The following RASGEF1B variants were observed in gnomAD, a reference collection of about 807,000 sequenced individuals.
RASGEF1B encodes the protein ras-GEF domain-containing family member 1B.
A neutral mutation model predicts 65.7 loss-of-function variants in RASGEF1B; 30 were observed. The ratio of observed to expected loss-of-function variants is 0.46; its 90% CI spans 0.34 to 0.62. The LOEUF is 0.62. Among genes scored for constraint, RASGEF1B ranks in the 20% least tolerant of loss-of-function variants. RASGEF1B has a pLI of 0.01. For synonymous variants in RASGEF1B, 175 were observed against 194.8 expected, an observed-to-expected ratio of 0.90 and a Z score of 0.85; for missense variants, 495 against 580.1, an observed-to-expected ratio of 0.85 and a Z score of 1.51.
Position 81,445,569 on chromosome 4 carries a change from C to G in RASGEF1B, c.885G>C (p.Glu295Asp), listed in dbSNP as rs768586561. 1 of 1,614,088 alleles carries G rather than the reference C, an allele frequency of 6.2e-7. No homozygotes were observed. Among genetic ancestry groups the G allele is most frequent in the Middle Eastern group, 1.6e-4 (1 of 6,062 alleles). The change falls in exon 8 of 14, where the codon GAG (glutamate) becomes GAC (aspartate). Residue 295 changes from glutamate to aspartate, a missense_variant. Physicochemically the swap from Glu to Asp is conservative, Grantham distance 45. Transcript: ENST00000264400. ...AGTTGAAGTTGCCAATGTTAAAACACTCCCGAGCTACGTCAATGAAATACT... is the reference window on the plus strand; with the variant it reads ...AGTTGAAGTTGCCAATGTTAAAACAGTCCCGAGCTACGTCAATGAAATACT... ...MIEYFIDVAR[E>D]CFNIGNFNSL...
intron 1 of RASGEF1B, among the ~76,000 whole-genome samples, chr4:81,466,576 G>A (rs189442645): frequency 5.3e-5 from 8 of 151,874 alleles, no homozygotes; most frequent in African/African-American, 1.9e-4. Context: ...TGGCTAACAC[G>A]GTAAAACCCT....
intron 4 of RASGEF1B, chr4:81,451,161 A>G (rs1051312904): frequency 1.3e-5 from 2 of 152,236 alleles, no homozygotes; most frequent in African/African-American, 2.4e-5. Flanking sequence ...CCTGTTTACA[A>G]GAGCAACCCA....
rs910319035 is a variant in RASGEF1B at position 81,426,683 on chromosome 4, T to C, written c.*1085A>G. ...AACGATTTCACAATTAGATCAACCATTGAGTTAACAGCAAGGTGTTTTTCA... is the reference window on the plus strand; with the variant it reads ...AACGATTTCACAATTAGATCAACCACTGAGTTAACAGCAAGGTGTTTTTCA... On this transcript the variant is annotated 3_prime_UTR_variant, in exon 14 of 14. Transcript: ENST00000264400. 1.1e-4 allele frequency: 17 copies of C among 152,308 alleles called. No individual in the cohort carries two copies. Among genetic ancestry groups the C allele is most frequent in the East Asian group, 1.9e-4 (1 of 5,182 alleles). The allele number at this position is 152,308 out of a possible 1,614,324, so 9.4% of individuals were successfully genotyped here.
intron 3 of RASGEF1B, 22 bp downstream of exon 3, chr4:81,457,477 A>T: frequency 6.2e-7 from 1 of 1,608,856 alleles, no homozygotes; most frequent in East Asian, 2.2e-5. Context: ...TCCTAATAAA[A>T]CAAATTGTAA....
chr4:81,445,875 A>T lies in RASGEF1B; in HGVS notation c.730-37T>A, dbSNP rs750922752. The T allele has an allele frequency of 6.0e-6, 9 of 1,491,926 alleles. No individual in the cohort carries two copies. In the Admixed American group the frequency reaches 1.5e-4, roughly 25 times the overall value. The allele number at this position is 1,491,926 out of a possible 1,614,324, so 92.4% of individuals were successfully genotyped here. On this transcript the variant is annotated intron_variant, in intron 6 of 13. Transcript: ENST00000264400. ...ACAAAGTAAACAGATGAGTTAGAGG[A>T]AAAAAACAATGTAGTGGACTCTCAT... is the stretch of plus-strand genomic sequence containing the variant.
chr4:81,450,644 A>G (rs1269285970), intron 4 of RASGEF1B, among the ~76,000 whole-genome samples: 2 of 152,050 alleles, frequency 1.3e-5, no homozygotes, highest in Admixed American at 1.3e-4. Context: ...ACCTCAAGTG[A>G]TCTGCCCACC....
At chr4:81,451,279 T>C (rs375934866) in intron 4 of RASGEF1B, 1 of 152,298 alleles carries the variant, frequency 6.6e-6, no homozygotes, top group African/African-American at 2.4e-5. Context: ...TATAAACAAA[T>C]TTAACTTGTT....
Position 81,448,117 on chromosome 4 carries a change from G to A in RASGEF1B, c.606C>T (p.Val202=), listed in dbSNP as rs923272728. The A allele has an allele frequency of 6.2e-7, 1 of 1,614,066 alleles. No homozygotes were observed. Among genetic ancestry groups the A allele is most frequent in the African/African-American group, 1.3e-5 (1 of 74,926 alleles). The change falls in exon 5 of 14, where the codon GTC becomes GTT. Residue 202 remains valine (V), a synonymous_variant. Transcript: ENST00000264400. Reference sequence around the variant, plus strand: ...GGGCCAACGTGTAAGGGTCGTTGCAGACAGTAATGATATCCCTTTGTATAG... The same window carrying A: ...GGGCCAACGTGTAAGGGTCGTTGCAAACAGTAATGATATCCCTTTGTATAG... ...PQSIQRDIIT[V]CNDPYTLAQQ... is the part of the protein sequence containing the mutation.
chr4:81,450,727 G>C (rs957199723), intron 4 of RASGEF1B, among the ~76,000 whole-genome samples: 3 of 151,974 alleles, frequency 2.0e-5, no homozygotes, highest in African/African-American at 7.3e-5. Flanking sequence ...TTAAAAATTA[G>C]CCGGACACCT....
chr4:81,433,191 T>C (rs1721494103), intron 12 of RASGEF1B, among the ~76,000 whole-genome samples: 1 of 151,002 alleles, frequency 6.6e-6, no homozygotes, highest in African/African-American at 2.4e-5. Context: ...ATCGTGCCAC[T>C]GCGCTCCAGC....
intron 11 of RASGEF1B, among the ~76,000 whole-genome samples, chr4:81,434,306 C>T (rs1721534617): frequency 6.6e-6 from 1 of 152,168 alleles, no homozygotes; most frequent in Admixed American, 6.5e-5. Context: ...CCATCTTGGC[C>T]TCCTAACGCA....
chr4:81,447,547 A>C lies in RASGEF1B; in HGVS notation c.686T>G (p.Phe229Cys). The change falls in exon 6 of 14, where the codon TTT becomes TGT. Residue 229 changes from phenylalanine (F) to cysteine (C), a missense_variant. Coordinates refer to ENST00000264400, the MANE Select transcript of RASGEF1B (RefSeq NM_152545.3). ...ERLNYIGPEE[F>C]VQAFVQKDPL... Reference sequence around the variant, plus strand: ...GTCCTTCTGCACGAACGCCTGAACAAATTCTTCTGGCCCAATATAATTGAG... The same window carrying C: ...GTCCTTCTGCACGAACGCCTGAACACATTCTTCTGGCCCAATATAATTGAG... The C allele has an allele frequency of 1.2e-6, 2 of 1,614,046 alleles. No homozygotes were observed. The highest frequency in any genetic ancestry group is 1.7e-6 in the Non-Finnish European group (2 of 1,179,982).
intron 13 of RASGEF1B, among the ~76,000 whole-genome samples, chr4:81,430,792 C>A (rs1454827065): frequency 6.6e-6 from 1 of 152,186 alleles, no homozygotes; most frequent in African/African-American, 2.4e-5. Flanking sequence ...CCTTTCCAAT[C>A]TAACCATTAG....
chr4:81,456,883 T>C, intron 3 of RASGEF1B, 95 bp from the exon 4 acceptor site: 1 of 1,145,194 alleles, frequency 8.7e-7, no homozygotes, highest in Non-Finnish European at 1.2e-6. Context: ...AAACTTCTAG[T>C]GCAAAGTCTT....
intron 4 of RASGEF1B, 96 bp downstream of exon 4, chr4:81,456,555 G>A: frequency 1.5e-6 from 2 of 1,352,912 alleles, no homozygotes; most frequent in Non-Finnish European, 2.1e-6. Flanking sequence ...AAAACAGAGA[G>A]GAAGCAGTGG....
intron 10 of RASGEF1B, among the ~76,000 whole-genome samples, chr4:81,436,925 T>C (rs575281874): frequency 6.6e-6 from 1 of 152,378 alleles, no homozygotes; most frequent in South Asian, 2.1e-4. Context: ...TTTTAATCAT[T>C]TGTTATTATC....
chr4:81,464,659 C>A (rs1435934880), intron 1 of RASGEF1B, among the ~76,000 whole-genome samples: 2 of 152,094 alleles, frequency 1.3e-5, no homozygotes, highest in African/African-American at 2.4e-5. Flanking sequence ...AGTTTACAGA[C>A]CCCAGATTAA....
At chr4:81,445,684 T>G in intron 7 of RASGEF1B, 56 bp from the exon 8 acceptor site, 1 of 1,587,284 alleles carries the variant, frequency 6.3e-7, no homozygotes, top group East Asian at 2.2e-5. Context: ...CCAACAGTTC[T>G]AAAATAAGTA....
intron 1 of RASGEF1B, among the ~76,000 whole-genome samples, chr4:81,465,306 T>C (rs1483911646): frequency 1.3e-5 from 2 of 152,140 alleles, no homozygotes; most frequent in African/African-American, 2.4e-5. Context: ...TTTAAAACAA[T>C]GAAACAGGCG....
Sources: gnomAD v4.1 joint callset for allele counts (sites outside exome capture counted in the v4.1 genomes callset) on GRCh38, gnomAD v4.1.1 for gene constraint, MANE v1.5 for transcripts, NCBI Gene and HGNC (gene_info 2026-07-23, HGNC 2026-07-21) for gene names.